The following EYS variants were observed in gnomAD, a reference collection of about 807,000 sequenced individuals.
EYS encodes the protein protein eyes shut homolog.
Under a neutral mutation model 282.1 loss-of-function variants are expected in EYS, and 250 were observed. That is an observed-to-expected ratio of 0.89 (90% CI 0.80 to 0.98). The LOEUF (loss-of-function observed/expected upper bound fraction) is 0.98, where lower values mean the gene tolerates loss of function less well. Among genes scored for constraint, EYS ranks in the 50% least tolerant of loss-of-function variants. The pLI is 0.00. For synonymous variants in EYS, 1,355 were observed against 1,282.9 expected (o/e 1.06, Z -1.20); for missense variants, 4,016 against 3,709.0 (o/e 1.08, Z -2.15).
chr6:64,396,142 A>T (rs1331717256), intron 28 of EYS, among the ~76,000 whole-genome samples: 2 of 152,040 alleles, frequency 1.3e-5, no homozygotes, highest in African/African-American at 4.8e-5. Context: ...TGTTTTTGAG[A>T]TATATATTTT....
chr6:64,162,902 A>G (rs1201703605), intron 31 of EYS, among the ~76,000 whole-genome samples: 1 of 152,170 alleles, frequency 6.6e-6, no homozygotes, highest in Admixed American at 6.5e-5. Flanking sequence ...ACTGTTCAGA[A>G]ATAGTATGAA....
chr6:64,956,395 A>C (rs1554221368), intron 14 of EYS, among the ~76,000 whole-genome samples: 1 of 152,224 alleles, frequency 6.6e-6, no homozygotes. Flanking sequence ...CATAGACAAA[A>C]GAATGAAACT....
chr6:64,885,710 G>T (rs886715908), intron 19 of EYS, among the ~76,000 whole-genome samples: 1 of 151,668 alleles, frequency 6.6e-6, no homozygotes, highest in Non-Finnish European at 1.5e-5. Context: ...TATGAGATTT[G>T]TTACCAAGAT....
At chr6:64,549,142 C>T (rs1290399949) in intron 26 of EYS, among the ~76,000 whole-genome samples, 3 of 152,322 alleles carry the variant, frequency 2.0e-5, no homozygotes, top group Middle Eastern at 3.4e-3. Flanking sequence ...GCATCTTACA[C>T]TTAGTTATTG....
rs971721424 is a variant in EYS, at chr6:65,150,540, C to G, written c.2024-92813G>C. Among the ~76,000 whole-genome samples, 5 of 151,966 alleles carry G rather than the reference C, an allele frequency of 3.3e-5. No homozygotes were observed. In the South Asian group the frequency reaches 1.0e-3, roughly 31 times the overall value. On this transcript the variant is annotated intron_variant, in intron 12 of 42. Transcript: ENST00000503581. Reference sequence around the variant, plus strand: ...TATATTTATTTTCTATTATGTCTTTCCTTATTCAAGATTTCTTTTCCTTCA... The same window carrying G: ...TATATTTATTTTCTATTATGTCTTTGCTTATTCAAGATTTCTTTTCCTTCA...
rs1025892256 is a variant in EYS, at chr6:64,230,584, T to C, written c.6424+8A>G. 4.6e-6 allele frequency: 7 copies of C among 1,536,874 alleles called. No individual in the cohort carries two copies. The highest frequency in any genetic ancestry group is 6.2e-6 in the Non-Finnish European group (7 of 1,134,452). On this transcript the variant is annotated splice_region_variant and intron_variant, in intron 31 of 42. Coordinates refer to ENST00000503581, the MANE Select transcript of EYS (RefSeq NM_001142800.2). ...AAGAAATACAAAAGGGTAATGAAGATTGATTACCTTTTTCACAGAAGCGGC... is the reference window on the plus strand; with the variant it reads ...AAGAAATACAAAAGGGTAATGAAGACTGATTACCTTTTTCACAGAAGCGGC...
chr6:65,424,722 G>A (rs1767596720), intron 5 of EYS, among the ~76,000 whole-genome samples: 1 of 151,970 alleles, frequency 6.6e-6, no homozygotes, highest in Admixed American at 6.6e-5. Context: ...CAGATGATGT[G>A]TGTTACATTA....
chr6:64,672,394 A>T (rs914724410), intron 22 of EYS, among the ~76,000 whole-genome samples: 2 of 152,156 alleles, frequency 1.3e-5, no homozygotes, highest in African/African-American at 4.8e-5. Flanking sequence ...TATCTTGATG[A>T]CTTTGAAAAC....
At chr6:64,884,752 T>G (rs1767035161) in intron 19 of EYS, among the ~76,000 whole-genome samples, 1 of 151,664 alleles carries the variant, frequency 6.6e-6, no homozygotes, top group Non-Finnish European at 1.5e-5. Flanking sequence ...GAATGTCCAG[T>G]CATGTATCTT....
intron 29 of EYS, among the ~76,000 whole-genome samples, chr6:64,382,394 A>C (rs919339550): frequency 1.3e-5 from 2 of 152,096 alleles, no homozygotes; most frequent in Non-Finnish European, 2.9e-5. Context: ...AAAGTGTCCA[A>C]ACTAATTATC....
intron 35 of EYS, among the ~76,000 whole-genome samples, chr6:63,885,214 C>A (rs1773234084): frequency 6.6e-6 from 1 of 152,172 alleles, no homozygotes; most frequent in Non-Finnish European, 1.5e-5. Flanking sequence ...AATCTCATAG[C>A]ATTAGGGTAG....
intron 22 of EYS, among the ~76,000 whole-genome samples, chr6:64,642,101 A>G (rs1396902682): frequency 6.6e-6 from 1 of 152,226 alleles, no homozygotes; most frequent in Non-Finnish European, 1.5e-5. Flanking sequence ...CCTTGATGGC[A>G]TCATCAAGCT....
intron 12 of EYS, among the ~76,000 whole-genome samples, chr6:65,062,624 T>C (rs1773612369): frequency 6.6e-6 from 1 of 151,996 alleles, no homozygotes. Flanking sequence ...GAACACATAG[T>C]AATCCTTTCT....
intron 37 of EYS, 26 bp from the exon 38 acceptor site, chr6:63,789,250 T>C: frequency 6.5e-7 from 1 of 1,543,222 alleles, no homozygotes; most frequent in Non-Finnish European, 8.8e-7. Context: ...ACATGGGGAA[T>C]GCTCACTGAG....
At chr6:64,563,714 C>T (rs2149813251) in intron 26 of EYS, among the ~76,000 whole-genome samples, 1 of 151,966 alleles carries the variant, frequency 6.6e-6, no homozygotes, top group East Asian at 1.9e-4. Context: ...TCTCTTTTCT[C>T]AAGGAATTGA....
chr6:64,605,948 A>G (rs1235169277), intron 24 of EYS, among the ~76,000 whole-genome samples: 2 of 152,012 alleles, frequency 1.3e-5, no homozygotes, highest in African/African-American at 2.4e-5. Flanking sequence ...TGCTCATAAG[A>G]AAAGACATTT....
At position 63,807,155 on chromosome 6, in the gene EYS, T is replaced by A. The variant is rs956498221; in HGVS notation, c.7229-783A>T. On this transcript the variant is annotated intron_variant, in intron 36 of 42. Transcript: ENST00000503581. Reference sequence around the variant, plus strand: ...CCTTCATAAGTCTCCACTGGTTTTTTAAATCTCCTTACCCAAAGAGGACAA... The same window carrying A: ...CCTTCATAAGTCTCCACTGGTTTTTAAAATCTCCTTACCCAAAGAGGACAA... Among the ~76,000 whole-genome samples, 7 of 152,312 alleles carry A rather than the reference T, an allele frequency of 4.6e-5. No individual in the cohort carries two copies. The East Asian group carries it at 9.6e-4, about 21-fold the overall frequency.
intron 19 of EYS, among the ~76,000 whole-genome samples, chr6:64,884,551 A>T (rs1034421303): frequency 6.6e-6 from 1 of 151,576 alleles, no homozygotes; most frequent in Non-Finnish European, 1.5e-5. Context: ...CTCACAAAAC[A>T]GTAATGCTTT....
At chr6:64,345,492 A>G (rs1344637424) in intron 29 of EYS, among the ~76,000 whole-genome samples, 16 of 152,168 alleles carry the variant, frequency 1.1e-4, no homozygotes, top group Non-Finnish European at 2.2e-4. Context: ...AAAACTGGCT[A>G]GCCATATGTA....
Sources: gnomAD v4.1 joint callset for allele counts (sites outside exome capture counted in the v4.1 genomes callset) on GRCh38, gnomAD v4.1.1 for gene constraint, MANE v1.5 for transcripts, NCBI Gene and HGNC (gene_info 2026-07-23, HGNC 2026-07-21) for gene names.